CTIF: variants seen among roughly 807,000 people sequenced by gnomAD.
The protein encoded by CTIF is cap binding complex dependent translation initiation factor, also known as CBP80/20-dependent translation initiation factor.
Under a neutral mutation model 66.0 loss-of-function variants are expected in CTIF, and 21 were observed. That is an observed-to-expected ratio of 0.32 (90% CI 0.23 to 0.46). The LOEUF (loss-of-function observed/expected upper bound fraction) is 0.46. Among genes scored for constraint, CTIF ranks in the 20% least tolerant of loss-of-function variants. CTIF has a pLI of 1.00. For synonymous variants in CTIF, 345 were observed against 326.4 expected (o/e 1.06, Z -0.62); for missense variants, 739 against 812.7 (o/e 0.91, Z 1.10).
At chr18:48,688,337 A>G (rs1048794971) in intron 6 of CTIF, 2 of 152,266 alleles carry the variant, frequency 1.3e-5, no homozygotes, top group African/African-American at 4.8e-5. Context: ...TGTGGAGGAT[A>G]AAGCTGGGTA....
Position 48,619,642 on chromosome 18 carries a change from G to A in CTIF, c.77G>A (p.Arg26His), listed in dbSNP as rs1046085732. Residue 26 changes from arginine (R) to histidine (H), a missense_variant, in exon 2 of 12, where the codon CGC (arginine) becomes CAC (histidine). By Grantham distance (29) the Arg-to-His change is conservative (BLOSUM62 0). Around this residue, in one of 2 missense-constraint regions of CTIF, gnomAD observed 529 missense variants for 520.3 expected, o/e 1.02. Transcript: ENST00000256413. ...TCCCAGGAGATCGAGGAGCTGGAGC[G>A]CTTCATCGACAGCTACGTGCTGGAG... ...SRSQEIEELE[R>H]FIDSYVLEYQ... 8 of 1,605,976 alleles carry A rather than the reference G, an allele frequency of 5.0e-6. No homozygotes were observed. Among genetic ancestry groups the A allele is most frequent in the Middle Eastern group, 1.7e-4 (1 of 6,052 alleles).
chr18:48,617,944 C>T (rs2090427222), intron 1 of CTIF, among the ~76,000 whole-genome samples: 1 of 152,226 alleles, frequency 6.6e-6, no homozygotes, highest in Admixed American at 6.5e-5. Context: ...GGCTGGGCCC[C>T]TTGCAGCGGC....
chr18:48,610,367 G>A (rs1012675332), intron 1 of CTIF, among the ~76,000 whole-genome samples: 14 of 95,502 alleles, frequency 1.5e-4, no homozygotes, highest in African/African-American at 3.4e-4. Context: ...GGACCTGCAC[G>A]TCACAGAGCC....
intron 3 of CTIF, among the ~76,000 whole-genome samples, chr18:48,659,432 T>A (rs1161739276): frequency 1.3e-5 from 2 of 152,158 alleles, no homozygotes. Flanking sequence ...ACCTGCTGCC[T>A]CCTCCAGGGC....
Position 48,664,541 on chromosome 18 carries a change from G to A in CTIF, c.421G>A (p.Asp141Asn), listed in dbSNP as rs577725475. The stretch of plus-strand genomic sequence containing the variant: ...GCCCAAGCAGCCCCTGCCACACATC[G>A]ACCGCGAAGGGTAAGGGGTGCTGGG... ...HTPKQPLPHI[D>N]REGCGKGKLE... Residue 141 changes from aspartate (D) to asparagine (N), a missense_variant, in exon 5 of 12, where the codon GAC becomes AAC. Physicochemically the swap from Asp to Asn is conservative, Grantham distance 23 (BLOSUM62 1). Coordinates refer to ENST00000256413, the MANE Select transcript of CTIF (RefSeq NM_014772.3). The A allele has an allele frequency of 4.3e-6, 7 of 1,611,480 alleles. No homozygotes were observed. The East Asian group carries it at 8.9e-5, about 21-fold the overall frequency.
At chr18:48,769,471 T>C (rs1184684480) in intron 9 of CTIF, among the ~76,000 whole-genome samples, 1 of 152,268 alleles carries the variant, frequency 6.6e-6, no homozygotes, top group Non-Finnish European at 1.5e-5. Context: ...GTGGGCCATC[T>C]GTCCCCATGC....
At chr18:48,741,277 CCCG>C (rs147809920) in intron 7 of CTIF, among the ~76,000 whole-genome samples, 34,501 of 123,362 alleles carry the variant, frequency 0.28, 5,561 homozygotes, top group East Asian at 0.69. Context: ...TTACTCTGCC[CCCG>C]CCCCCCCTCC....
intron 9 of CTIF, among the ~76,000 whole-genome samples, chr18:48,797,146 C>G (rs1403863441): frequency 6.6e-6 from 1 of 152,160 alleles, no homozygotes; most frequent in African/African-American, 2.4e-5. Context: ...TAATTTTTCT[C>G]CCTTCAAATC....
chr18:48,603,166 T>TGAA (rs2090129693), intron 1 of CTIF, among the ~76,000 whole-genome samples: 1 of 81,216 alleles, frequency 1.2e-5, no homozygotes, highest in African/African-American at 5.7e-5. Context: ...GGATGGATGG[T>TGAA]TGGATGGATA....
intron 7 of CTIF, 111 bp from the exon 8 acceptor site, chr18:48,757,808 A>T (rs578154353): frequency 7.1e-7 from 1 of 1,399,518 alleles, no homozygotes; most frequent in Non-Finnish European, 9.6e-7. Flanking sequence ...GTTTGTTGGA[A>T]GAATGAATAT....
intron 11 of CTIF, among the ~76,000 whole-genome samples, chr18:48,858,823 A>T (rs1332329435): frequency 6.6e-6 from 1 of 152,098 alleles, no homozygotes; most frequent in African/African-American, 2.4e-5. Context: ...GGGCTGGGAG[A>T]TGGGATCAGG....
chr18:48,578,170 A>G (rs7227943), intron 1 of CTIF, among the ~76,000 whole-genome samples: 33,811 of 151,824 alleles, frequency 0.22, 6,966 homozygotes, highest in African/African-American at 0.55. Context: ...TTTTTTTATC[A>G]CTGAGTAATG....
intron 1 of CTIF, among the ~76,000 whole-genome samples, chr18:48,593,280 A>C (rs2089925569): frequency 6.6e-6 from 1 of 152,176 alleles, no homozygotes; most frequent in African/African-American, 2.4e-5. Context: ...GAAAAGGGCA[A>C]GTTTGTAGTG....
intron 6 of CTIF, among the ~76,000 whole-genome samples, chr18:48,678,407 A>G (rs1253895631): frequency 3.4e-5 from 5 of 148,724 alleles, no homozygotes; most frequent in Non-Finnish European, 5.9e-5. Context: ...TTCCCTCCCC[A>G]GCCACCTCCC....
chr18:48,727,387 C>T (rs917391276), intron 7 of CTIF, among the ~76,000 whole-genome samples: 1 of 152,178 alleles, frequency 6.6e-6, no homozygotes. Flanking sequence ...GCCTCTGAGT[C>T]ATCCTTCCTT....
chr18:48,540,812 C>A (rs894852042), intron 1 of CTIF, among the ~76,000 whole-genome samples: 4 of 152,226 alleles, frequency 2.6e-5, no homozygotes, highest in Admixed American at 1.3e-4. Context: ...TCCCGCCAGC[C>A]CCCTCCTTGT....
At chr18:48,656,219 G>T (rs2091245133) in intron 3 of CTIF, among the ~76,000 whole-genome samples, 1 of 152,240 alleles carries the variant, frequency 6.6e-6, no homozygotes, top group South Asian at 2.1e-4. Flanking sequence ...GGAAATCTCT[G>T]CAGTGGGTTC....
chr18:48,647,671 A>C (rs918938594), intron 3 of CTIF, among the ~76,000 whole-genome samples: 2 of 152,250 alleles, frequency 1.3e-5, no homozygotes, highest in Non-Finnish European at 2.9e-5. Context: ...TTTCCTCAGA[A>C]CCTTACATGG....
chr18:48,700,006 G>A (rs941934025), intron 6 of CTIF, among the ~76,000 whole-genome samples: 2 of 152,202 alleles, frequency 1.3e-5, no homozygotes, highest in Non-Finnish European at 2.9e-5. Flanking sequence ...TGCTGCTCTC[G>A]CCTTCACTGT....
Sources: allele counts gnomAD v4.1 joint callset (sites outside exome capture counted in the v4.1 genomes callset), GRCh38; gene constraint gnomAD v4.1.1; regional missense constraint gnomAD v4.1.1; transcripts MANE v1.5; gene names NCBI Gene and HGNC (gene_info 2026-07-23, HGNC 2026-07-21).